Variants in RASSF5 observed in about 807,000 individuals in gnomAD.
RASSF5 encodes ras association domain-containing protein 5.
RASSF5 carries 25 observed loss-of-function variants against 40.5 expected under a neutral mutation model. The observed-to-expected ratio is 0.62, with a 90% CI of 0.45 to 0.86. RASSF5 has a LOEUF of 0.86. RASSF5 is among the 40% of genes least tolerant of loss of function. The pLI, the probability that RASSF5 is intolerant of heterozygous loss-of-function variation, is 0.00. For synonymous variants in RASSF5, 246 were observed against 252.4 expected (o/e 0.97, Z 0.24); for missense variants, 521 against 572.8 (o/e 0.91, Z 0.92).
intron 2 of RASSF5, among the ~76,000 whole-genome samples, chr1:206,554,600 G>C (rs782745535): frequency 9.2e-5 from 14 of 152,112 alleles, no homozygotes; most frequent in African/African-American, 3.4e-4. Context: ...TCCTTTGTGC[G>C]ATCACATCTC....
At chr1:206,568,640 T>C (rs1668348677) in intron 2 of RASSF5, among the ~76,000 whole-genome samples, 1 of 152,064 alleles carries the variant, frequency 6.6e-6, no homozygotes, top group African/African-American at 2.4e-5. Flanking sequence ...GGAGCCAGCA[T>C]ATGGAGGTGG....
chr1:206,561,105 C>T (rs937962023), intron 2 of RASSF5, among the ~76,000 whole-genome samples: 15 of 152,190 alleles, frequency 9.9e-5, no homozygotes, highest in Non-Finnish European at 1.6e-4. Flanking sequence ...ACTCTGGCAC[C>T]GGCCCAGAGC....
At chr1:206,518,039 AC>A (rs1553395637) in intron 1 of RASSF5, among the ~76,000 whole-genome samples, 1 of 152,168 alleles carries the variant, frequency 6.6e-6, no homozygotes, top group African/African-American at 2.4e-5. Context: ...GTAACCGATC[AC>A]TTCTGTCGTC....
At chr1:206,577,262 G>A (rs782057639) in intron 2 of RASSF5, among the ~76,000 whole-genome samples, 3 of 152,128 alleles carry the variant, frequency 2.0e-5, no homozygotes, top group Admixed American at 6.5e-5. Context: ...CCAACCACTG[G>A]TGCAGAGAAA....
At chr1:206,569,008 C>T (rs1370983202) in intron 2 of RASSF5, among the ~76,000 whole-genome samples, 1 of 152,230 alleles carries the variant, frequency 6.6e-6, no homozygotes, top group Non-Finnish European at 1.5e-5. Context: ...CTAACCCTGA[C>T]CTTGCCATGA....
Position 206,507,737 on chromosome 1 carries a change from T to A in RASSF5, c.135T>A (p.Cys45Ter). ...CCCCCGACCGGTCCTCGCGCCTCTG[T>A]GTCCCGGCGCCCCTCTCCACTGCGC... ...PPPPDRSSRL[C>*]VPAPLSTAPG... The change falls in exon 1 of 6, where the codon TGT becomes TGA. Residue 45 changes from cysteine (C) to a stop codon, truncating the protein, a stop_gained. Coordinates refer to ENST00000579436, the MANE Select transcript of RASSF5 (RefSeq NM_182663.4). LOFTEE classifies it high-confidence loss of function. 1 of 1,475,498 alleles carries A rather than the reference T, an allele frequency of 6.8e-7. No individual in the cohort carries two copies. Among genetic ancestry groups the A allele is most frequent in the Non-Finnish European group, 8.9e-7 (1 of 1,120,420 alleles). 91.4% of individuals were successfully genotyped at this position (1,475,498 alleles called of 1,614,324 possible).
rs149422887 is a variant in RASSF5, at chr1:206,564,370, C to A, written c.580-18899C>A. Among the ~76,000 whole-genome samples the A allele has an allele frequency of 7.9e-5, 12 of 152,324 alleles. No individual in the cohort carries two copies. The East Asian group carries it at 1.3e-3, about 17-fold the overall frequency. On this transcript the variant is annotated intron_variant, in intron 2 of 5. Transcript: ENST00000579436. Reference sequence around the variant, plus strand: ...CTGTTCTGGTTCCTCCCCTCCTGCCCTCCTTCTGTCTTCACAGGTTTAGAT... The same window carrying A: ...CTGTTCTGGTTCCTCCCCTCCTGCCATCCTTCTGTCTTCACAGGTTTAGAT...
Position 206,588,675 on chromosome 1 carries a change from CAT to C in RASSF5, c.*1699_*1700del, listed in dbSNP as rs1217564206. On this transcript the variant is annotated 3_prime_UTR_variant, in exon 6 of 6. Transcript: ENST00000579436. Reference sequence around the variant, plus strand: ...CTGACCCCTCGTCGTATGAACTGTGCATAGTCTCCAGAGCTTCAAAGGCAACA... The same window carrying C: ...CTGACCCCTCGTCGTATGAACTGTGCAGTCTCCAGAGCTTCAAAGGCAACA... 6.6e-6 allele frequency: 1 copy of C among 152,484 alleles called. No homozygotes were observed. The highest frequency in any genetic ancestry group is 1.5e-5 in the Non-Finnish European group (1 of 68,052). 9.4% of individuals were successfully genotyped at this position (152,484 alleles called of 1,614,324 possible).
chr1:206,509,772 G>T (rs1476660305), intron 1 of RASSF5, among the ~76,000 whole-genome samples: 1 of 150,356 alleles, frequency 6.7e-6, no homozygotes, highest in Non-Finnish European at 1.5e-5. Flanking sequence ...GTGTGTATTT[G>T]CGTGTGCCTG....
In RASSF5 at chr1:206,507,821, G is replaced by T; in HGVS notation, c.219G>T (p.Pro73=). 7.1e-7 allele frequency: 1 copy of T among 1,410,912 alleles called. No homozygotes were observed. Among genetic ancestry groups the T allele is most frequent in the Non-Finnish European group, 9.2e-7 (1 of 1,090,608 alleles). 87.4% of individuals were successfully genotyped at this position (1,410,912 alleles called of 1,614,324 possible). ...CTGCCCGGGGGAACCTGGAGCCCCCGCCCCGGGCCTCCCGACCCGCTCGCC... is the reference window on the plus strand; with the variant it reads ...CTGCCCGGGGGAACCTGGAGCCCCCTCCCCGGGCCTCCCGACCCGCTCGCC... ...RRAARGNLEP[P]PRASRPARPL... is the part of the protein sequence containing the mutation. The change falls in exon 1 of 6, where the codon CCG becomes CCT. Residue 73 remains proline (P), a synonymous_variant. Coordinates refer to ENST00000579436, the MANE Select transcript of RASSF5 (RefSeq NM_182663.4).
intron 2 of RASSF5, chr1:206,542,802 A>C (rs1287222898): frequency 2.0e-5 from 3 of 152,232 alleles, no homozygotes; most frequent in Admixed American, 2.0e-4. Context: ...AATATCCTCG[A>C]ATCACTGGTT....
rs566429630 is a variant in RASSF5, at chr1:206,531,983, C to T, written c.458-6189C>T. 1.4e-3 allele frequency among the ~76,000 whole-genome samples: 219 copies of T among 151,790 alleles called. No individual in the cohort carries two copies. Among genetic ancestry groups the T allele is most frequent in the Non-Finnish European group, 2.1e-3 (143 of 67,952 alleles). Reference sequence around the variant, plus strand: ...AGGAGAATGGCGTGAACCCGGGAGGCGGAGCTTGCAGTGAGCCAAGTTCAC... The same window carrying T: ...AGGAGAATGGCGTGAACCCGGGAGGTGGAGCTTGCAGTGAGCCAAGTTCAC... On this transcript the variant is annotated intron_variant, in intron 1 of 5. Transcript: ENST00000579436. This position sits in a 1 kb window ranked among gnomAD's most constrained non-coding sequence, Gnocchi z 4.7.
At chr1:206,557,514 C>CGCATCCCA in intron 2 of RASSF5, 4 of 1,604,972 alleles carry the variant, frequency 2.5e-6, no homozygotes, top group Non-Finnish European at 3.4e-6. Flanking sequence ...CTCCCTCCGC[C>CGCATCCCA]GCATCCCAAG....
intron 2 of RASSF5, among the ~76,000 whole-genome samples, chr1:206,581,468 G>A (rs1468827421): frequency 1.3e-5 from 2 of 152,062 alleles, no homozygotes; most frequent in African/African-American, 4.8e-5. Context: ...GTGTGGTGGT[G>A]CGCACCTGTA....
At chr1:206,585,628 G>A (rs572864550) in intron 5 of RASSF5, 41 of 206,452 alleles carry the variant, frequency 2.0e-4, no homozygotes, top group African/African-American at 9.2e-4. Context: ...AAAATGGCCC[G>A]AGGGCTACCA....
rs1318823922 is a variant in RASSF5, at chr1:206,587,384, C to T, written c.*406C>T. The stretch of plus-strand genomic sequence containing the variant: ...TTCCTCTTTGAGTTCTCTTACTTGC[C>T]ACGTACAGGACCATTATTTATGAGT... On this transcript the variant is annotated 3_prime_UTR_variant, in exon 6 of 6. Coordinates refer to ENST00000579436, the MANE Select transcript of RASSF5 (RefSeq NM_182663.4). 2 of 315,106 alleles carry T rather than the reference C, an allele frequency of 6.3e-6. No individual in the cohort carries two copies. Among genetic ancestry groups the T allele is most frequent in the Non-Finnish European group, 6.1e-6 (1 of 162,636 alleles). The allele number at this position is 315,106 out of a possible 1,614,324, so 19.5% of individuals were successfully genotyped here.
At chr1:206,568,162 C>G (rs1553403660) in intron 2 of RASSF5, among the ~76,000 whole-genome samples, 1 of 152,090 alleles carries the variant, frequency 6.6e-6, no homozygotes, top group Non-Finnish European at 1.5e-5. Context: ...CAGAGGAGAT[C>G]AAATGTCCCT....
At chr1:206,537,551 G>T (rs782476712) in intron 1 of RASSF5, among the ~76,000 whole-genome samples, 24 of 152,180 alleles carry the variant, frequency 1.6e-4, no homozygotes, top group Non-Finnish European at 2.6e-4. Context: ...GAGACCGGAA[G>T]TGTTTCTGAT....
rs561312649 is a variant in RASSF5, at chr1:206,513,496, G to A, written c.457+5437G>A. 6.6e-6 allele frequency among the ~76,000 whole-genome samples: 1 copy of A among 152,336 alleles called. No homozygotes were observed. Among genetic ancestry groups the A allele is most frequent in the East Asian group, 1.9e-4 (1 of 5,182 alleles). ...AGCTGGTATGATTTCCTTCTCACAA[G>A]CTTGCAGACCTGGGTCTGTGCTGGT... On this transcript the variant is annotated intron_variant, in intron 1 of 5. Transcript: ENST00000579436. The surrounding 1 kb of genome is among the most constrained non-coding windows in gnomAD (Gnocchi z 5.0).
Sources: gnomAD v4.1 joint callset for allele counts (sites outside exome capture counted in the v4.1 genomes callset) on GRCh38, gnomAD v4.1.1 for gene constraint, Gnocchi (gnomAD v3.1) non-coding constraint, MANE v1.5 for transcripts, NCBI Gene and HGNC (gene_info 2026-07-23, HGNC 2026-07-21) for gene names.